The following PRUNE2 variants were observed in gnomAD, a reference collection of about 807,000 sequenced individuals.
PRUNE2 encodes prune homolog 2 with BCH domain, also known as protein prune homolog 2.
A neutral mutation model predicts 252.0 loss-of-function variants in PRUNE2; 164 were observed. That is an observed-to-expected ratio of 0.65 (90% CI 0.57 to 0.74). The LOEUF (loss-of-function observed/expected upper bound fraction) is 0.74, where lower values mean the gene tolerates loss of function less well. Among genes scored for constraint, PRUNE2 ranks in the 30% least tolerant of loss-of-function variants. The pLI, the probability that PRUNE2 is intolerant of heterozygous loss-of-function variation, is 0.00. For synonymous variants in PRUNE2, 1,292 were observed against 1,350.2 expected (o/e 0.96, Z 0.94); for missense variants, 3,495 against 3,711.0 (o/e 0.94, Z 1.51).
rs978219257 is a variant in PRUNE2, at chr9:76,710,078, G to A, written c.2196C>T (p.Asp732=). The stretch of plus-strand genomic sequence containing the variant: ...GGAACGGCAAGCTTTCCTCATTTTT[G>A]TCTTGAATATCATTGCTACCCAGTT... ...QPELGSNDIQ[D]KNEESLPFQN... Residue 732 remains aspartate (D), a synonymous_variant, in exon 8 of 19, where the codon GAC becomes GAT. Transcript: ENST00000376718. 7 of 1,613,778 alleles carry A rather than the reference G, an allele frequency of 4.3e-6. No homozygotes were observed. The highest frequency in any genetic ancestry group is 1.7e-5 in the Admixed American group (1 of 59,994).
chr9:76,670,251 G>A (rs556839758), intron 9 of PRUNE2, among the ~76,000 whole-genome samples: 3 of 152,286 alleles, frequency 2.0e-5, no homozygotes, highest in Admixed American at 6.5e-5. Context: ...AGCGCGAGGG[G>A]TCAGGGAGTT....
intron 9 of PRUNE2, chr9:76,700,071 G>T (rs113611519): frequency 3.3e-5 from 5 of 152,302 alleles, no homozygotes; most frequent in African/African-American, 1.2e-4. Flanking sequence ...AAATCTCAAG[G>T]GAGAGAGGTT....
intron 6 of PRUNE2, among the ~76,000 whole-genome samples, chr9:76,723,671 A>G (rs886219511): frequency 1.3e-5 from 2 of 152,246 alleles, no homozygotes; most frequent in Admixed American, 1.3e-4. Context: ...GAGTTCTTCA[A>G]GCAAAAGCTC....
At chr9:76,755,978 T>C (rs1271105302) in intron 6 of PRUNE2, among the ~76,000 whole-genome samples, 4 of 152,148 alleles carry the variant, frequency 2.6e-5, no homozygotes, top group African/African-American at 7.2e-5. Flanking sequence ...GCTGGGACTA[T>C]AGGCGTGAGC....
Position 76,832,057 on chromosome 9 carries a change from G to A in PRUNE2, c.509-5325C>T, listed in dbSNP as rs189062595. Among the ~76,000 whole-genome samples, 96 of 152,186 alleles carry A rather than the reference G, an allele frequency of 6.3e-4. 1 individual carries two copies. Among genetic ancestry groups the A allele is most frequent in the Middle Eastern group, 3.4e-3 (1 of 294 alleles). On this transcript the variant is annotated intron_variant, in intron 4 of 18. Transcript: ENST00000376718. Reference sequence around the variant, plus strand: ...ATATTAATAAGGGGTCAATCCTCTGGAAGATACATCAATTCTAAATTTGTA... The same window carrying A: ...ATATTAATAAGGGGTCAATCCTCTGAAAGATACATCAATTCTAAATTTGTA...
rs780010269 is a variant in PRUNE2, at chr9:76,707,795, G to A, written c.4479C>T (p.Asp1493=). ...HRVPRSLDFG[D]VPIDSDVHVS... ...CATGCACATCACTGTCTATAGGGAC[G>A]TCCCCAAAATCAAGACTTCGGGGAA... The change falls in exon 8 of 19, where the codon GAC becomes GAT. Residue 1493 remains aspartate, a synonymous_variant. Transcript: ENST00000376718. 87 of 1,613,168 alleles carry A rather than the reference G, an allele frequency of 5.4e-5. 2 individuals carry two copies. The Admixed American group carries it at 1.2e-3, about 22-fold the overall frequency.
chr9:76,626,776 C>G (rs1341208786), intron 16 of PRUNE2, among the ~76,000 whole-genome samples: 1 of 152,106 alleles, frequency 6.6e-6, no homozygotes, highest in Non-Finnish European at 1.5e-5. Flanking sequence ...CTTTGTGTAC[C>G]CTGTTTGCAT....
At chr9:76,791,656 T>C (rs901590006) in intron 6 of PRUNE2, among the ~76,000 whole-genome samples, 6 of 152,200 alleles carry the variant, frequency 3.9e-5, no homozygotes, top group Non-Finnish European at 7.3e-5. Context: ...ACTGTACCAA[T>C]AATACTGACT....
chr9:76,718,659 TC>T (rs991116968), intron 6 of PRUNE2, among the ~76,000 whole-genome samples: 16 of 152,160 alleles, frequency 1.1e-4, no homozygotes, highest in African/African-American at 3.6e-4. Context: ...CAACTTTGTT[TC>T]CTGTCCCCTT....
intron 6 of PRUNE2, chr9:76,779,530 G>A (rs1294459796): frequency 6.6e-6 from 1 of 152,212 alleles, no homozygotes; most frequent in African/African-American, 2.4e-5. Context: ...TTAAGAGAAA[G>A]TTTTAGAATC....
intron 6 of PRUNE2, among the ~76,000 whole-genome samples, chr9:76,732,955 A>C (rs1339615431): frequency 6.6e-6 from 1 of 152,218 alleles, no homozygotes; most frequent in Non-Finnish European, 1.5e-5. Context: ...GGAGTTTACA[A>C]AAATACCTCA....
intron 6 of PRUNE2, among the ~76,000 whole-genome samples, chr9:76,748,012 G>A (rs1376354481): frequency 2.0e-5 from 3 of 151,988 alleles, no homozygotes; most frequent in Non-Finnish European, 4.4e-5. Flanking sequence ...TGGCCAGGCT[G>A]GTTTCAAACT....
intron 6 of PRUNE2, among the ~76,000 whole-genome samples, chr9:76,767,584 T>G (rs1363531305): frequency 6.6e-6 from 1 of 152,206 alleles, no homozygotes; most frequent in Non-Finnish European, 1.5e-5. Context: ...TTCGCTTCTG[T>G]GACTGCATGA....
At chr9:76,882,428 C>T (rs1381072280) in intron 1 of PRUNE2, among the ~76,000 whole-genome samples, 1 of 152,178 alleles carries the variant, frequency 6.6e-6, no homozygotes, top group Non-Finnish European at 1.5e-5. Flanking sequence ...TCTTGCATTG[C>T]TATGAAAAAA....
chr9:76,886,740 A>G (rs1467283602), intron 1 of PRUNE2, among the ~76,000 whole-genome samples: 1 of 152,252 alleles, frequency 6.6e-6, no homozygotes, highest in Non-Finnish European at 1.5e-5. Context: ...TGTCTTTAAG[A>G]GAAATTGTGG....
chr9:76,629,820 G>C (rs1836704342), intron 15 of PRUNE2, among the ~76,000 whole-genome samples: 1 of 152,198 alleles, frequency 6.6e-6, no homozygotes, highest in African/African-American at 2.4e-5. Flanking sequence ...AACTTTTTTA[G>C]ATGCCACATA....
At chr9:76,898,423 T>A (rs1346376756) in intron 1 of PRUNE2, among the ~76,000 whole-genome samples, 1 of 152,186 alleles carries the variant, frequency 6.6e-6, no homozygotes, top group Non-Finnish European at 1.5e-5. Flanking sequence ...TCCTTTCAGC[T>A]ACTTATTCTG....
chr9:76,852,339 G>A (rs986858177), intron 2 of PRUNE2, among the ~76,000 whole-genome samples: 2 of 152,222 alleles, frequency 1.3e-5, no homozygotes, highest in African/African-American at 4.8e-5. Flanking sequence ...AAACTTGAGT[G>A]GGGAAGAATC....
intron 9 of PRUNE2, among the ~76,000 whole-genome samples, chr9:76,673,269 C>T (rs1168891054): frequency 0.018 from 2,688 of 149,560 alleles, 67 homozygotes; most frequent in African/African-American, 0.062. Context: ...GGGAATACTA[C>T]AAACACCTCT....
Sources: gnomAD v4.1 joint callset for allele counts (sites outside exome capture counted in the v4.1 genomes callset) on GRCh38, gnomAD v4.1.1 for gene constraint, MANE v1.5 for transcripts, NCBI Gene and HGNC (gene_info 2026-07-23, HGNC 2026-07-21) for gene names.